Variants in CNTNAP2 observed in about 807,000 individuals in gnomAD.
CNTNAP2 encodes the protein contactin associated protein 2.
A neutral mutation model predicts 155.2 loss-of-function variants in CNTNAP2; 98 were observed. The ratio of observed to expected loss-of-function variants is 0.63; its 90% confidence interval spans 0.54 to 0.75. The LOEUF is 0.75. Among genes scored for constraint, CNTNAP2 ranks in the 30% least tolerant of loss-of-function variants. The pLI is 0.00. For missense variants in CNTNAP2, 1,727 were observed against 1,688.1 expected (o/e 1.02, Z -0.40); for synonymous variants, 651 against 631.2 (o/e 1.03, Z -0.47).
intron 1 of CNTNAP2, among the ~76,000 whole-genome samples, chr7:146,533,657 A>C (rs1260940876): frequency 6.6e-6 from 1 of 152,082 alleles, no homozygotes; most frequent in Non-Finnish European, 1.5e-5. Flanking sequence ...AATAAAAATA[A>C]GATAATTCCA....
intron 1 of CNTNAP2, among the ~76,000 whole-genome samples, chr7:146,431,429 C>G (rs1158209371): frequency 6.6e-6 from 1 of 151,920 alleles, no homozygotes; most frequent in East Asian, 1.9e-4. Context: ...TGGCTTGGCC[C>G]TTTGGAATAA....
At chr7:146,816,656 G>A (rs1803176814) in intron 2 of CNTNAP2, among the ~76,000 whole-genome samples, 1 of 152,142 alleles carries the variant, frequency 6.6e-6, no homozygotes, top group Non-Finnish European at 1.5e-5. Context: ...TGTTTGGTTG[G>A]TTTGCTTTTA....
chr7:147,988,187 T>G (rs1801651906), intron 15 of CNTNAP2, among the ~76,000 whole-genome samples: 1 of 152,156 alleles, frequency 6.6e-6, no homozygotes, highest in Admixed American at 6.5e-5. Context: ...CTGATAGAAA[T>G]GGAATGTTCA....
At chr7:147,603,627 G>A (rs1379227423) in intron 12 of CNTNAP2, among the ~76,000 whole-genome samples, 18 of 150,948 alleles carry the variant, frequency 1.2e-4, no homozygotes, top group Middle Eastern at 3.4e-3. Flanking sequence ...AATCAATATC[G>A]TGAAAATGGC....
intron 17 of CNTNAP2, among the ~76,000 whole-genome samples, chr7:148,164,655 C>G (rs143600084): frequency 0.012 from 1,376 of 115,468 alleles, 24 homozygotes; most frequent in African/African-American, 0.044. Flanking sequence ...GAGTTTCACT[C>G]TGTCACCCAG....
At chr7:148,199,246 CTAA>C (rs1401755339) in intron 18 of CNTNAP2, among the ~76,000 whole-genome samples, 2 of 152,204 alleles carry the variant, frequency 1.3e-5, no homozygotes, top group African/African-American at 4.8e-5. Flanking sequence ...ACTCAAATGT[CTAA>C]TAACAAGAAG....
At chr7:147,975,756 T>C (rs1301975734) in intron 14 of CNTNAP2, among the ~76,000 whole-genome samples, 1 of 152,228 alleles carries the variant, frequency 6.6e-6, no homozygotes, top group Non-Finnish European at 1.5e-5. Flanking sequence ...TCTCAGTACA[T>C]ATTTTTGCCC....
At chr7:147,623,811 A>G (rs867029667) in intron 12 of CNTNAP2, among the ~76,000 whole-genome samples, 13 of 152,028 alleles carry the variant, frequency 8.6e-5, no homozygotes, top group African/African-American at 2.7e-4. Flanking sequence ...AACCAGATCT[A>G]TCCTGAACAA....
In CNTNAP2 at chr7:148,199,412, G is replaced by A. The variant is rs370017093; in HGVS notation, c.3011-17876G>A. Among the ~76,000 whole-genome samples, 3 of 152,162 alleles carry A rather than the reference G, an allele frequency of 2.0e-5. 1 individual carries two copies. Among genetic ancestry groups the A allele is most frequent in the South Asian group, 2.1e-4 (1 of 4,826 alleles). On this transcript the variant is annotated intron_variant, in intron 18 of 23. Coordinates refer to ENST00000361727, the MANE Select transcript of CNTNAP2 (RefSeq NM_014141.6). ...GAGGTTTCAAGTCCTTCTTTGCTTAGGTGTATCCAGAGGTAATACCCAGAA... is the reference window on the plus strand; with the variant it reads ...GAGGTTTCAAGTCCTTCTTTGCTTAAGTGTATCCAGAGGTAATACCCAGAA...
intron 5 of CNTNAP2, among the ~76,000 whole-genome samples, chr7:147,113,788 T>G (rs1205987947): frequency 1.3e-5 from 2 of 152,092 alleles, no homozygotes; most frequent in Non-Finnish European, 1.5e-5. Context: ...TGAAGGATTT[T>G]TTTGTGTGTG....
At chr7:146,687,982 T>G (rs768932142) in intron 1 of CNTNAP2, among the ~76,000 whole-genome samples, 16 of 152,128 alleles carry the variant, frequency 1.1e-4, no homozygotes, top group Non-Finnish European at 1.9e-4. Flanking sequence ...GGGATTATAA[T>G]TTACAGCAAA....
intron 21 of CNTNAP2, among the ~76,000 whole-genome samples, chr7:148,304,215 C>T (rs1457118592): frequency 1.3e-5 from 2 of 152,042 alleles, no homozygotes; most frequent in African/African-American, 4.8e-5. Context: ...GTCCAAACAT[C>T]GAAAAAAGGA....
At chr7:147,935,782 T>A (rs2116806691) in intron 14 of CNTNAP2, among the ~76,000 whole-genome samples, 1 of 152,278 alleles carries the variant, frequency 6.6e-6, no homozygotes, top group African/African-American at 2.4e-5. Context: ...AGCAAAAAAA[T>A]TAACTATACT....
At chr7:146,124,415 C>CTA (rs986726389) in intron 1 of CNTNAP2, among the ~76,000 whole-genome samples, 5 of 151,708 alleles carry the variant, frequency 3.3e-5, no homozygotes, top group African/African-American at 9.7e-5. Context: ...TACAGACTGT[C>CTA]TATATATATA....
intron 1 of CNTNAP2, among the ~76,000 whole-genome samples, chr7:146,307,186 C>T (rs1161781145): frequency 6.6e-6 from 1 of 152,064 alleles, no homozygotes; most frequent in Non-Finnish European, 1.5e-5. Flanking sequence ...ACACCAATAA[C>T]AGACAAACAG....
intron 8 of CNTNAP2, among the ~76,000 whole-genome samples, chr7:147,177,339 C>T (rs546119437): frequency 6.6e-6 from 1 of 152,142 alleles, no homozygotes; most frequent in East Asian, 1.9e-4. Context: ...ATAGTAAGTT[C>T]TCACGAGAGC....
chr7:147,689,172 C>T (rs558004934), intron 13 of CNTNAP2, among the ~76,000 whole-genome samples: 1 of 140,706 alleles, frequency 7.1e-6, no homozygotes, highest in African/African-American at 2.6e-5. Flanking sequence ...TTTTTTGAGA[C>T]AGCGTCTTGC....
At chr7:146,478,466 T>C (rs1796911916) in intron 1 of CNTNAP2, among the ~76,000 whole-genome samples, 1 of 152,078 alleles carries the variant, frequency 6.6e-6, no homozygotes, top group East Asian at 1.9e-4. Flanking sequence ...TTTGATTTGG[T>C]CTCACATCAG....
intron 1 of CNTNAP2, among the ~76,000 whole-genome samples, chr7:146,611,768 A>G (rs2129154161): frequency 6.6e-6 from 1 of 152,220 alleles, no homozygotes; most frequent in Non-Finnish European, 1.5e-5. Context: ...GGCAAGCTTT[A>G]TAGTAGTAAT....
Sources: gnomAD v4.1 joint callset for allele counts (sites outside exome capture counted in the v4.1 genomes callset) on GRCh38, gnomAD v4.1.1 for gene constraint, MANE v1.5 for transcripts, NCBI Gene and HGNC (gene_info 2026-07-23, HGNC 2026-07-21) for gene names.